Variants in E2F6 observed in about 807,000 individuals in gnomAD.
The protein encoded by E2F6 is E2F transcription factor 6.
E2F6 carries 19 observed loss-of-function variants against 31.5 expected under a neutral mutation model. That is an observed-to-expected ratio of 0.60 (90% CI 0.42 to 0.89). The LOEUF is 0.89. E2F6 is among the 40% of genes least tolerant of loss of function. The pLI is 0.00. For synonymous variants in E2F6, 121 were observed against 127.7 expected (o/e 0.95, Z 0.36); for missense variants, 269 against 341.6 (o/e 0.79, Z 1.67).
At chr2:11,459,650 G>A (rs779057887) in intron 1 of E2F6, among the ~76,000 whole-genome samples, 1 of 151,954 alleles carries the variant, frequency 6.6e-6, no homozygotes, top group Admixed American at 6.6e-5. Context: ...GAGGCGGGGT[G>A]GGGGGAGGAG....
rs371769737 is a variant in E2F6 at position 11,450,098 on chromosome 2, G to A, written c.565C>T (p.His189Tyr). 3.5e-5 allele frequency: 56 copies of A among 1,612,942 alleles called. No homozygotes were observed. Among genetic ancestry groups the A allele is most frequent in the Non-Finnish European group, 4.6e-5 (54 of 1,179,230 alleles). Residue 189 changes from histidine to tyrosine, a missense_variant, in exon 5 of 7, where the codon CAT (histidine) becomes TAT (tyrosine). Transcript: ENST00000381525. ...RLAYVTYQDI[H>Y]SIQAFHEQIV... ...TGTTCATGGAAGGCCTGAATGCTAT[G>A]AATGTCTTGATAGGTCACATATGCT...
chr2:11,453,822 T>C (rs1671226707), intron 2 of E2F6, 24 bp from the exon 3 acceptor site: 3 of 1,581,894 alleles, frequency 1.9e-6, no homozygotes, highest in Admixed American at 3.5e-5. Context: ...TAAACATATT[T>C]GTAAAATTTT....
At position 11,450,152 on chromosome 2, in the gene E2F6, AC is replaced by A. The variant is rs774409504; in HGVS notation, c.537-27del. ...GTAAAACTCAGTCAAGGATCTCTAC[AC>A]AGAATGCTGTTTACTGGGGAGGTAA... On this transcript the variant is annotated intron_variant, in intron 4 of 6. Coordinates refer to ENST00000381525, the MANE Select transcript of E2F6 (RefSeq NM_198256.4). 5 of 1,499,232 alleles carry A rather than the reference AC, an allele frequency of 3.3e-6. No homozygotes were observed. In the African/African-American group the frequency reaches 4.2e-5, roughly 12 times the overall value. The allele number at this position is 1,499,232 out of a possible 1,614,324, so 92.9% of individuals were successfully genotyped here.
chr2:11,451,740 G>C lies in E2F6; in HGVS notation c.447C>G (p.Asp149Glu), dbSNP rs372426239. Residue 149 changes from aspartate (D) to glutamate (E), a missense_variant, in exon 4 of 7, where the codon GAC (aspartate) becomes GAG (glutamate). Asp to Glu is a conservative substitution (Grantham distance 45, BLOSUM62 2). Coordinates refer to ENST00000381525, the MANE Select transcript of E2F6 (RefSeq NM_198256.4). ...QQKKLQEELS[D>E]LSAMEDALDE... ...CCAAAGCATCTTCCATTGCTGATAA[G>C]TCAGAAAGTTCCTCCTGTAGCTTCT... 5.5e-5 allele frequency: 88 copies of C among 1,609,460 alleles called. No individual in the cohort carries two copies. The highest frequency in any genetic ancestry group is 7.3e-5 in the Non-Finnish European group (86 of 1,177,236).
intron 3 of E2F6, among the ~76,000 whole-genome samples, chr2:11,452,168 G>T (rs6751915): frequency 0.31 from 47,255 of 152,094 alleles, 8,848 homozygotes; most frequent in East Asian, 0.61. Context: ...AGTTATAATC[G>T]TACAGTACTT....
At chr2:11,461,702 T>G (rs73181974) in intron 1 of E2F6, among the ~76,000 whole-genome samples, 8,365 of 152,254 alleles carry the variant, frequency 0.055, 686 homozygotes, top group African/African-American at 0.18. Context: ...TGAAGGCTTG[T>G]GTTTGATTTT....
chr2:11,457,279 A>C (rs1326023105), intron 1 of E2F6, 46 bp from the exon 2 acceptor site: 2 of 1,137,388 alleles, frequency 1.8e-6, no homozygotes, highest in Non-Finnish European at 2.6e-6. Context: ...TTAAAACAAC[A>C]ATGCAAACAA....
At chr2:11,448,827 AAAC>A (rs1480676839) in intron 5 of E2F6, among the ~76,000 whole-genome samples, 2 of 152,248 alleles carry the variant, frequency 1.3e-5, no homozygotes, top group Non-Finnish European at 2.9e-5. Flanking sequence ...AAGCAGTCAG[AAAC>A]AATATGTAAA....
intron 1 of E2F6, among the ~76,000 whole-genome samples, chr2:11,459,699 T>C (rs772227839): frequency 6.0e-4 from 91 of 151,754 alleles, no homozygotes; most frequent in East Asian, 7.8e-4. Context: ...CTGGCCAACA[T>C]AGTGAAATCC....
In E2F6 at chr2:11,446,425, T is replaced by A. The variant is rs1174896991; in HGVS notation, c.*52A>T. 4 of 1,355,622 alleles carry A rather than the reference T, an allele frequency of 3.0e-6. No individual in the cohort carries two copies. Among genetic ancestry groups the A allele is most frequent in the African/African-American group, 2.9e-5 (2 of 69,570 alleles). 84.0% of individuals were successfully genotyped at this position (1,355,622 alleles called of 1,614,324 possible). A position where few individuals can be genotyped will look rare whatever the true frequency, so the allele number is the denominator to read the frequency against. ...GAGAATCAAATTTGATGCGTAATTC[T>A]CCACGAAGATATTCCCAAAAAACTC... On this transcript the variant is annotated 3_prime_UTR_variant, in exon 7 of 7. Coordinates refer to ENST00000381525, the MANE Select transcript of E2F6 (RefSeq NM_198256.4).
At chr2:11,449,377 G>A (rs925105893) in intron 5 of E2F6, among the ~76,000 whole-genome samples, 4 of 152,162 alleles carry the variant, frequency 2.6e-5, no homozygotes, top group Non-Finnish European at 5.9e-5. Context: ...TGTGAGCACC[G>A]ATGGGTCTAT....
intron 3 of E2F6, among the ~76,000 whole-genome samples, 173 bp from the exon 4 acceptor site, chr2:11,451,979 G>T (rs1161924188): frequency 6.6e-6 from 1 of 152,138 alleles, no homozygotes; most frequent in Non-Finnish European, 1.5e-5. Flanking sequence ...TATTCCTTCT[G>T]TACATAAATT....
chr2:11,465,025 A>G (rs1672053859), intron 1 of E2F6, among the ~76,000 whole-genome samples: 1 of 152,006 alleles, frequency 6.6e-6, no homozygotes, highest in African/African-American at 2.4e-5. Flanking sequence ...CTAAAAATAC[A>G]AAATTAGCTG....
Position 11,457,215 on chromosome 2 carries a change from T to C in E2F6, c.127A>G (p.Asn43Asp). 6.4e-7 allele frequency: 1 copy of C among 1,558,636 alleles called. No individual in the cohort carries two copies. The highest frequency in any genetic ancestry group is 1.1e-5 in the South Asian group (1 of 89,154). Residue 43 changes from asparagine (N) to aspartate (D), a missense_variant, in exon 2 of 7, where the codon AAT (asparagine) becomes GAT (aspartate). Transcript: ENST00000381525. Reference sequence around the variant, plus strand: ...ACATATTGTACATTATCTTCTAAATTAATCCTTATTTTTGATGGCTGAAAA... The same window carrying C: ...ACATATTGTACATTATCTTCTAAATCAATCCTTATTTTTGATGGCTGAAAA... Reference protein sequence around the residue: ...EGLLPSKIRINLEDNVQYVSM... With the variant: ...EGLLPSKIRIDLEDNVQYVSM...
At chr2:11,457,852 A>C (rs1323523023) in intron 1 of E2F6, among the ~76,000 whole-genome samples, 1 of 152,234 alleles carries the variant, frequency 6.6e-6, no homozygotes. Flanking sequence ...ATTAATGTAA[A>C]AACAGCAGCA....
chr2:11,463,948 C>CG (rs143314262), intron 1 of E2F6, among the ~76,000 whole-genome samples: 15,870 of 72,214 alleles, frequency 0.22, 2,862 homozygotes, highest in Middle Eastern at 0.48. Flanking sequence ...GATCCTGCAC[C>CG]GGGGGGGGGG....
At position 11,451,540 on chromosome 2, in the gene E2F6, G is replaced by T. The variant is rs1671069926; in HGVS notation, c.536+111C>A. On this transcript the variant is annotated intron_variant, in intron 4 of 6. Transcript: ENST00000381525. Reference sequence around the variant, plus strand: ...GCTAATTTTGTATTTAACTTTCAATGGTCTAATTTTATATCTTAAATATAT... The same window carrying T: ...GCTAATTTTGTATTTAACTTTCAATTGTCTAATTTTATATCTTAAATATAT... The T allele has an allele frequency of 4.5e-6, 5 of 1,120,074 alleles. No individual in the cohort carries two copies. The African/African-American group carries it at 4.9e-5, about 11-fold the overall frequency. 69.4% of individuals were successfully genotyped at this position (1,120,074 alleles called of 1,614,324 possible). A position where few individuals can be genotyped will look rare whatever the true frequency, so the allele number is the denominator to read the frequency against.
intron 3 of E2F6, 110 bp from the exon 4 acceptor site, chr2:11,451,916 A>G (rs1671095103): frequency 2.0e-6 from 2 of 1,019,138 alleles, no homozygotes; most frequent in Admixed American, 5.3e-5. Context: ...GTTTTCCACA[A>G]CAATAGAAAC....
At chr2:11,455,379 T>C in intron 2 of E2F6, 1 of 1,242,920 alleles carries the variant, frequency 8.0e-7, no homozygotes, top group Non-Finnish European at 1.0e-6. Context: ...ACCTCCACAA[T>C]GTCACATTTA....
Sources: gnomAD v4.1 joint callset for allele counts (sites outside exome capture counted in the v4.1 genomes callset) on GRCh38, gnomAD v4.1.1 for gene constraint, MANE v1.5 for transcripts, NCBI Gene and HGNC (gene_info 2026-07-23, HGNC 2026-07-21) for gene names.